PAG1: variants seen among roughly 807,000 people sequenced by gnomAD.
PAG1 encodes phosphoprotein membrane anchor with glycosphingolipid microdomains 1, also known as phosphoprotein associated with glycosphingolipid-enriched microdomains 1.
Under a neutral mutation model 31.7 loss-of-function variants are expected in PAG1, and 23 were observed. That is an observed-to-expected ratio of 0.73 (90% CI 0.52 to 1.03). The LOEUF (loss-of-function observed/expected upper bound fraction) is 1.03. PAG1 is among the 50% of genes least tolerant of loss of function. The probability of loss-of-function intolerance (pLI) is 0.00; values close to 1 mark genes in which losing one functional copy is unlikely to be tolerated. For missense variants in PAG1, 473 were observed against 540.7 expected, an observed-to-expected ratio of 0.87 and a Z score of 1.24; for synonymous variants, 214 against 210.3, an observed-to-expected ratio of 1.02 and a Z score of -0.15.
rs149745694 is a variant in PAG1, at chr8:81,071,053, G to A, written c.-233-883C>T. Among the ~76,000 whole-genome samples, 15 of 132,146 alleles carry A rather than the reference G, an allele frequency of 1.1e-4. No individual in the cohort carries two copies. In the East Asian group the frequency reaches 2.9e-3, roughly 25 times the overall value. 86.7% of individuals were successfully genotyped at this position (132,146 alleles called of 152,430 possible). ...GGTAAAGTTTAAAAGAGAAAAGAAA[G>A]AGCTATTTCTTTTCTTTTTTGGTAA... On this transcript the variant is annotated intron_variant, in intron 1 of 8. Coordinates refer to ENST00000220597, the MANE Select transcript of PAG1 (RefSeq NM_018440.4).
In PAG1 at chr8:80,976,918, A is replaced by G. The variant is rs1048212082; in HGVS notation, c.937-12T>C. On this transcript the variant is annotated splice_polypyrimidine_tract_variant and intron_variant, in intron 8 of 8. Transcript: ENST00000220597. ...TACATAGCTGAGATCTAGGAGACAAAGGGAGAGTTGAATAAACTTCCAGCT... is the reference window on the plus strand; with the variant it reads ...TACATAGCTGAGATCTAGGAGACAAGGGGAGAGTTGAATAAACTTCCAGCT... 2 of 1,583,052 alleles carry G rather than the reference A, an allele frequency of 1.3e-6. No homozygotes were observed. Among genetic ancestry groups the G allele is most frequent in the African/African-American group, 2.7e-5 (2 of 73,460 alleles).
chr8:81,056,105 A>G (rs1394396175), intron 2 of PAG1, among the ~76,000 whole-genome samples: 2 of 152,208 alleles, frequency 1.3e-5, no homozygotes, highest in Non-Finnish European at 2.9e-5. Flanking sequence ...TGTCATAAAT[A>G]GCTCTTATTA....
At chr8:81,037,820 C>T (rs1808485339) in intron 2 of PAG1, among the ~76,000 whole-genome samples, 1 of 152,182 alleles carries the variant, frequency 6.6e-6, no homozygotes, top group South Asian at 2.1e-4. Context: ...ATGTTATTTC[C>T]TTGCTTATGA....
chr8:81,074,886 C>T (rs916521605), intron 1 of PAG1, among the ~76,000 whole-genome samples: 8 of 152,338 alleles, frequency 5.3e-5, no homozygotes, highest in African/African-American at 1.7e-4. Flanking sequence ...CTTTAAGTCG[C>T]TCATTTTGGT....
intron 2 of PAG1, among the ~76,000 whole-genome samples, chr8:81,065,910 T>TAA (rs1808998692): frequency 6.6e-6 from 1 of 152,080 alleles, no homozygotes; most frequent in African/African-American, 2.4e-5. Context: ...GGATTACACT[T>TAA]GACTTACATG....
intron 2 of PAG1, among the ~76,000 whole-genome samples, chr8:81,036,662 C>G (rs1160198959): frequency 6.6e-6 from 1 of 152,170 alleles, no homozygotes; most frequent in African/African-American, 2.4e-5. Flanking sequence ...ACGCTTCTGC[C>G]TCCCTTATCC....
rs1365853253 is a variant in PAG1 at position 81,030,706 on chromosome 8, T to C, written c.-174-617A>G. Among the ~76,000 whole-genome samples the C allele has an allele frequency of 2.0e-5, 3 of 152,226 alleles. No homozygotes were observed. The East Asian group carries it at 5.8e-4, about 29-fold the overall frequency. On this transcript the variant is annotated intron_variant, in intron 2 of 8. Coordinates refer to ENST00000220597, the MANE Select transcript of PAG1 (RefSeq NM_018440.4). The stretch of plus-strand genomic sequence containing the variant: ...CGACTTCCCTCGCTCTCCCTCCTGA[T>C]TCAACAGCTCCCCAATCCTACCTGT...
At chr8:81,077,557 A>G (rs1205412991) in intron 1 of PAG1, among the ~76,000 whole-genome samples, 1 of 152,244 alleles carries the variant, frequency 6.6e-6, no homozygotes, top group Non-Finnish European at 1.5e-5. Context: ...ACATATGGTG[A>G]CTTTTATCGA....
At chr8:80,982,135 C>G (rs1485586378) in intron 7 of PAG1, among the ~76,000 whole-genome samples, 2 of 152,074 alleles carry the variant, frequency 1.3e-5, no homozygotes, top group Non-Finnish European at 2.9e-5. Context: ...CAAAGTGTTA[C>G]GATTACAGGC....
At chr8:81,023,781 C>T (rs1275167337) in intron 3 of PAG1, among the ~76,000 whole-genome samples, 7 of 152,056 alleles carry the variant, frequency 4.6e-5, no homozygotes, top group Non-Finnish European at 1.0e-4. Context: ...TCCACAAATA[C>T]ATTAAGATAT....
chr8:81,043,470 A>C (rs760809300), intron 2 of PAG1, among the ~76,000 whole-genome samples: 4 of 151,176 alleles, frequency 2.6e-5, no homozygotes, highest in Non-Finnish European at 4.4e-5. Flanking sequence ...ACTGTTCAAC[A>C]GTTTCATTGT....
rs963496398 is a variant in PAG1 at position 81,111,968 on chromosome 8, GCCAGCCCGCCC to G, written c.-622_-612del. 6.6e-6 allele frequency: 1 copy of G among 152,248 alleles called. No individual in the cohort carries two copies. Among genetic ancestry groups the G allele is most frequent in the Non-Finnish European group, 1.5e-5 (1 of 68,080 alleles). The allele number at this position is 152,248 out of a possible 1,614,324, so 9.4% of individuals were successfully genotyped here. A position where few individuals can be genotyped will look rare whatever the true frequency, so the allele number is the denominator to read the frequency against. ...CCGATGCGCTGCCGCAGGCAGAGCCGCCAGCCCGCCCCCAGTCGGCTGGTCACATCGCGGGC... is the reference window on the plus strand; with the variant it reads ...CCGATGCGCTGCCGCAGGCAGAGCCGCCAGTCGGCTGGTCACATCGCGGGC... On this transcript the variant is annotated 5_prime_UTR_variant, in exon 1 of 9. Coordinates refer to ENST00000220597, the MANE Select transcript of PAG1 (RefSeq NM_018440.4).
intron 3 of PAG1, among the ~76,000 whole-genome samples, chr8:81,016,994 A>G (rs565816727): frequency 6.6e-6 from 1 of 152,338 alleles, no homozygotes; most frequent in East Asian, 1.9e-4. Context: ...AAAGTGAGAG[A>G]GCCCCACCAA....
At chr8:80,999,128 A>C (rs12680970) in intron 3 of PAG1, among the ~76,000 whole-genome samples, 6,270 of 152,302 alleles carry the variant, frequency 0.041, 165 homozygotes, top group East Asian at 0.098. Flanking sequence ...TTTAAGCTAA[A>C]GTGTGCAAAT....
intron 3 of PAG1, among the ~76,000 whole-genome samples, chr8:81,025,673 G>T (rs1478432060): frequency 6.6e-6 from 1 of 152,210 alleles, no homozygotes; most frequent in Non-Finnish European, 1.5e-5. Flanking sequence ...TCTACATGCT[G>T]CTCGGGCGTT....
chr8:80,985,168 G>C lies in PAG1; in HGVS notation c.484C>G (p.Pro162Ala). ...GAGCTGTCCTTGAGCACTTCATAGG[G>C]CCCTTCCATCCCCAGCCCCTGGTCC... ...DGDQGLGMEG[P>A]YEVLKDSSSQ... The change falls in exon 7 of 9, where the codon CCC becomes GCC. Residue 162 changes from proline (P) to alanine (A), a missense_variant. Physicochemically the swap from Pro to Ala is conservative, Grantham distance 27. Transcript: ENST00000220597. 6.2e-7 allele frequency: 1 copy of C among 1,613,996 alleles called. No individual in the cohort carries two copies. Among genetic ancestry groups the C allele is most frequent in the Non-Finnish European group, 8.5e-7 (1 of 1,179,986 alleles).
At chr8:81,066,577 T>C (rs1809009817) in intron 2 of PAG1, among the ~76,000 whole-genome samples, 1 of 152,144 alleles carries the variant, frequency 6.6e-6, no homozygotes, top group African/African-American at 2.4e-5. Context: ...TACAATACAA[T>C]ATGAAGTGTA....
chr8:80,998,127 C>A (rs1314356268), intron 3 of PAG1, among the ~76,000 whole-genome samples: 1 of 108,306 alleles, frequency 9.2e-6, no homozygotes, highest in Non-Finnish European at 1.7e-5. Flanking sequence ...CAGCAGGTGT[C>A]CTTTTTTTTT....
At chr8:80,999,776 C>A (rs2130575785) in intron 3 of PAG1, among the ~76,000 whole-genome samples, 1 of 152,220 alleles carries the variant, frequency 6.6e-6, no homozygotes, top group East Asian at 1.9e-4. Context: ...ACACTTTTGC[C>A]CCAGACAAGC....
Sources: allele counts gnomAD v4.1 joint callset (sites outside exome capture counted in the v4.1 genomes callset), GRCh38; gene constraint gnomAD v4.1.1; transcripts MANE v1.5; gene names NCBI Gene and HGNC (gene_info 2026-07-23, HGNC 2026-07-21).